The following SAMD12 variants were observed in gnomAD, a reference collection of about 807,000 sequenced individuals.
SAMD12 encodes the protein sterile alpha motif domain-containing protein 12.
In SAMD12, 9 loss-of-function variants were observed where a neutral mutation model predicts 15.0. The observed-to-expected ratio is 0.60, with a 90% confidence interval of 0.36 to 1.05. The LOEUF (loss-of-function observed/expected upper bound fraction) is 1.05, where lower values mean the gene tolerates loss of function less well. SAMD12 is among the 50% of genes least tolerant of loss of function. SAMD12 has a pLI of 0.01. For synonymous variants in SAMD12, 86 were observed against 90.1 expected, an observed-to-expected ratio of 0.96 and a Z score of 0.25; for missense variants, 230 against 234.2, an observed-to-expected ratio of 0.98 and a Z score of 0.12.
chr8:118,169,127 A>G, the SAMD12 span, among the ~76,000 whole-genome samples: 1 of 152,224 alleles, frequency 6.6e-6, no homozygotes, highest in Non-Finnish European at 1.5e-5. Flanking sequence ...GACAGGCTCA[A>G]TTATACCTCA....
chr8:118,542,902 C>G (rs949516201), intron 2 of SAMD12, among the ~76,000 whole-genome samples: 1 of 151,950 alleles, frequency 6.6e-6, no homozygotes, highest in East Asian at 1.9e-4. Flanking sequence ...TAGCCTACAG[C>G]TAAATTCCCA....
chr8:118,566,062 A>G lies in SAMD12; in HGVS notation c.192+14653T>C, dbSNP rs1464203350. Among the ~76,000 whole-genome samples, 5 of 152,132 alleles carry G rather than the reference A, an allele frequency of 3.3e-5. No individual in the cohort carries two copies. The South Asian group carries it at 6.2e-4, about 19-fold the overall frequency. ...GCGGAGCAGCTAGAGTCTTCTCTTT[A>G]TAAGTCCCTCCTCTGTGTAAAACCT... is the stretch of plus-strand genomic sequence containing the variant. On this transcript the variant is annotated intron_variant, in intron 2 of 3. Transcript: ENST00000314727.
At chr8:118,478,306 A>G (rs73315373) in intron 2 of SAMD12, among the ~76,000 whole-genome samples, 3,404 of 152,206 alleles carry the variant, frequency 0.022, 119 homozygotes, top group African/African-American at 0.078. Flanking sequence ...TCACTTTTCA[A>G]TCAGGACTAG....
At chr8:118,496,871 C>CA (rs58762417) in intron 2 of SAMD12, among the ~76,000 whole-genome samples, 18,212 of 147,992 alleles carry the variant, frequency 0.12, 1,200 homozygotes, top group East Asian at 0.28. Flanking sequence ...ATTTACAAGC[C>CA]AAAAAAAAAC....
intron 4 of SAMD12, among the ~76,000 whole-genome samples, chr8:118,211,849 G>A (rs1441746994): frequency 6.6e-6 from 1 of 152,130 alleles, no homozygotes; most frequent in Non-Finnish European, 1.5e-5. Flanking sequence ...GACAGGAGGT[G>A]GAATGGCTGT....
intron 4 of SAMD12, among the ~76,000 whole-genome samples, chr8:118,287,804 T>A (rs1279025007): frequency 6.6e-6 from 1 of 152,208 alleles, no homozygotes; most frequent in African/African-American, 2.4e-5. Context: ...GTGTGGACCA[T>A]CATGAATTTA....
intron 2 of SAMD12, among the ~76,000 whole-genome samples, chr8:118,490,144 T>A (rs1272090052): frequency 6.6e-6 from 1 of 152,212 alleles, no homozygotes; most frequent in East Asian, 1.9e-4. Flanking sequence ...CAAATCATTA[T>A]CATATGTTAA....
At chr8:118,471,279 C>G (rs912068392) in intron 2 of SAMD12, among the ~76,000 whole-genome samples, 37 of 152,084 alleles carry the variant, frequency 2.4e-4, no homozygotes, top group African/African-American at 7.2e-4. Flanking sequence ...TTAAAAGCAT[C>G]ATTTGGACCT....
At chr8:118,556,983 A>G (rs2131200052) in intron 2 of SAMD12, among the ~76,000 whole-genome samples, 1 of 152,178 alleles carries the variant, frequency 6.6e-6, no homozygotes, top group East Asian at 1.9e-4. Flanking sequence ...AGAAAGAAAG[A>G]AAGAAAGAAA....
intron 2 of SAMD12, among the ~76,000 whole-genome samples, chr8:118,486,926 C>A (rs149062056): frequency 6.6e-6 from 1 of 152,254 alleles, no homozygotes; most frequent in Admixed American, 6.5e-5. Context: ...CAGAATGCAG[C>A]CACTGTCAAA....
At chr8:118,331,971 A>G (rs1045899314) in intron 4 of SAMD12, among the ~76,000 whole-genome samples, 2 of 152,176 alleles carry the variant, frequency 1.3e-5, no homozygotes, top group African/African-American at 2.4e-5. Context: ...TATTACTTAA[A>G]CACCTGATAG....
intron 2 of SAMD12, among the ~76,000 whole-genome samples, chr8:118,477,134 C>T (rs529616023): frequency 5.3e-5 from 8 of 151,306 alleles, no homozygotes; most frequent in Non-Finnish European, 5.9e-5. Flanking sequence ...GTTGTGATCT[C>T]GGCTCACTGC....
intron 1 of SAMD12, among the ~76,000 whole-genome samples, chr8:118,609,097 A>G (rs1237838192): frequency 1.3e-5 from 2 of 152,252 alleles, no homozygotes; most frequent in East Asian, 3.8e-4. Flanking sequence ...AAGTATGTAT[A>G]CATACATTTT....
At chr8:118,202,791 A>G (rs1218744304) in intron 4 of SAMD12, among the ~76,000 whole-genome samples, 1 of 152,194 alleles carries the variant, frequency 6.6e-6, no homozygotes, top group Non-Finnish European at 1.5e-5. Context: ...TTGGGGGTGT[A>G]TCTGAACTGC....
chr8:118,162,146 C>T, the SAMD12 span, among the ~76,000 whole-genome samples: 1 of 129,332 alleles, frequency 7.7e-6, no homozygotes, highest in African/African-American at 2.8e-5. Context: ...GGCAGCAGAG[C>T]AAGACTCTGT....
chr8:118,558,554 G>T (rs1196943531), intron 2 of SAMD12, among the ~76,000 whole-genome samples: 2 of 151,252 alleles, frequency 1.3e-5, no homozygotes, highest in South Asian at 2.1e-4. Flanking sequence ...TTTTGTTTTT[G>T]TTTTTTTTGT....
intron 3 of SAMD12, among the ~76,000 whole-genome samples, chr8:118,402,448 T>G (rs1820914166): frequency 6.6e-6 from 1 of 152,206 alleles, no homozygotes; most frequent in African/African-American, 2.4e-5. Flanking sequence ...AAACACTTTT[T>G]CCATGTTTTC....
chr8:118,187,502 C>T (rs749512253), downstream of SAMD12, among the ~76,000 whole-genome samples: 10 of 152,292 alleles, frequency 6.6e-5, no homozygotes, highest in Non-Finnish European at 8.8e-5. Flanking sequence ...CTGCACTTCA[C>T]GTTTGCTAGG....
intron 4 of SAMD12, among the ~76,000 whole-genome samples, chr8:118,219,181 T>C (rs1045473739): frequency 1.3e-5 from 2 of 152,202 alleles, no homozygotes; most frequent in African/African-American, 4.8e-5. Context: ...TACACGTCTA[T>C]GACGTGCATT....
Sources: allele counts gnomAD v4.1 joint callset (sites outside exome capture counted in the v4.1 genomes callset), GRCh38; gene constraint gnomAD v4.1.1; transcripts MANE v1.5; gene names NCBI Gene and HGNC (gene_info 2026-07-23, HGNC 2026-07-21).